Variants in KCNMB2 observed in about 807,000 individuals in gnomAD.
KCNMB2 encodes the protein calcium-activated potassium channel subunit beta-2.
In KCNMB2, 9 loss-of-function variants were observed where a neutral mutation model predicts 24.5. That is an observed-to-expected ratio of 0.37 (90% CI 0.22 to 0.64). The LOEUF is 0.64. Among genes scored for constraint, KCNMB2 ranks in the 30% least tolerant of loss-of-function variants. The pLI is 0.63. For missense variants in KCNMB2, 226 were observed against 284.3 expected, an observed-to-expected ratio of 0.79 and a Z score of 1.47; for synonymous variants, 109 against 104.4, an observed-to-expected ratio of 1.04 and a Z score of -0.27.
intron 4 of KCNMB2, among the ~76,000 whole-genome samples, chr3:178,829,646 C>T (rs1714980236): frequency 6.6e-6 from 1 of 152,182 alleles, no homozygotes; most frequent in Admixed American, 6.5e-5. Context: ...ATCTTAAAAT[C>T]AAAGCTGACC....
intron 1 of KCNMB2, among the ~76,000 whole-genome samples, chr3:178,759,399 G>T (rs1458148643): frequency 3.1e-5 from 1 of 32,148 alleles, no homozygotes; most frequent in Non-Finnish European, 4.7e-5. Context: ...ATCTCTCCAA[G>T]AGGATATATA....
At chr3:178,812,372 T>C (rs1013309549) in intron 2 of KCNMB2, among the ~76,000 whole-genome samples, 42 of 147,196 alleles carry the variant, frequency 2.9e-4, no homozygotes, top group Non-Finnish European at 3.9e-4. Flanking sequence ...TATCTCCTAA[T>C]GCTATCCCTC....
intron 2 of KCNMB2, among the ~76,000 whole-genome samples, chr3:178,823,897 G>A (rs1458424862): frequency 6.8e-6 from 1 of 146,528 alleles, no homozygotes; most frequent in Admixed American, 6.7e-5. Flanking sequence ...GTGCATATTG[G>A]CTTTTTGCCT....
At chr3:178,639,995 G>A (rs1719665806) in intron 1 of KCNMB2, among the ~76,000 whole-genome samples, 1 of 152,128 alleles carries the variant, frequency 6.6e-6, no homozygotes, top group Non-Finnish European at 1.5e-5. Flanking sequence ...TGTTATGTAT[G>A]TGTCTAGTAC....
intron 1 of KCNMB2, among the ~76,000 whole-genome samples, chr3:178,772,054 AATGTTGGTTT>A (rs1485834092): frequency 6.6e-6 from 1 of 152,028 alleles, no homozygotes; most frequent in Non-Finnish European, 1.5e-5. Flanking sequence ...TCCTCATCAA[AATGTTGGTTT>A]ATTAGTGAGG....
At chr3:178,738,106 C>A (rs947988765) in intron 1 of KCNMB2, among the ~76,000 whole-genome samples, 6 of 152,096 alleles carry the variant, frequency 3.9e-5, no homozygotes, top group African/African-American at 1.4e-4. Context: ...TACTAATTTC[C>A]TTTCCTCCAG....
In KCNMB2 at chr3:178,782,708, T is replaced by C. The variant is rs1360745170; in HGVS notation, c.-67-24635T>C. On this transcript the variant is annotated intron_variant, in intron 1 of 4. Coordinates refer to ENST00000452583, the MANE Select transcript of KCNMB2 (RefSeq NM_181361.3). Reference sequence around the variant, plus strand: ...GGATATTAGCCCTTTGTCAGATGAGTAGGTTGCGAAAATTTTCTCCCATTT... The same window carrying C: ...GGATATTAGCCCTTTGTCAGATGAGCAGGTTGCGAAAATTTTCTCCCATTT... Among the ~76,000 whole-genome samples the C allele has an allele frequency of 3.5e-4, 53 of 151,288 alleles. 1 individual carries two copies. The South Asian group carries it at 0.011, about 31-fold the overall frequency.
chr3:178,746,852 C>T (rs1723686318), intron 1 of KCNMB2: 1 of 152,568 alleles, frequency 6.6e-6, no homozygotes. Flanking sequence ...CATCTGAGAC[C>T]ACCTCAGCCT....
At chr3:178,781,069 T>A (rs1712810816) in intron 1 of KCNMB2, among the ~76,000 whole-genome samples, 1 of 152,164 alleles carries the variant, frequency 6.6e-6, no homozygotes. Flanking sequence ...TACCATTAAT[T>A]CTTTTTATTT....
At chr3:178,675,079 G>A (rs950043844) in intron 1 of KCNMB2, among the ~76,000 whole-genome samples, 8 of 152,088 alleles carry the variant, frequency 5.3e-5, no homozygotes, top group Non-Finnish European at 1.2e-4. Context: ...TTAATCCTCA[G>A]CACCATATCC....
At chr3:178,724,384 T>G (rs35970749) in intron 1 of KCNMB2, among the ~76,000 whole-genome samples, 11,162 of 152,224 alleles carry the variant, frequency 0.073, 550 homozygotes, top group Middle Eastern at 0.19. Context: ...TTTAAATTCC[T>G]TATAGAATCT....
intron 1 of KCNMB2, among the ~76,000 whole-genome samples, chr3:178,613,596 C>G (rs1199993806): frequency 2.0e-5 from 3 of 152,136 alleles, no homozygotes; most frequent in African/African-American, 7.2e-5. Context: ...GATATTTTCA[C>G]CAGATACGCT....
intron 1 of KCNMB2, among the ~76,000 whole-genome samples, chr3:178,616,162 T>C (rs1718697805): frequency 6.6e-6 from 1 of 152,112 alleles, no homozygotes; most frequent in South Asian, 2.1e-4. Context: ...AGCAATCCCT[T>C]GGCAGCCCCA....
chr3:178,641,645 T>A (rs567720511), intron 1 of KCNMB2, among the ~76,000 whole-genome samples: 2 of 152,268 alleles, frequency 1.3e-5, no homozygotes, highest in Non-Finnish European at 2.9e-5. Context: ...CCCCACTTTG[T>A]ATGCATTTTA....
In KCNMB2 at chr3:178,760,092, CTATA is replaced by C. The variant is rs561146836; in HGVS notation, c.-67-47237_-67-47234del. Among the ~76,000 whole-genome samples, 2 of 11,750 alleles carry C rather than the reference CTATA, an allele frequency of 1.7e-4. 1 individual carries two copies. The highest frequency in any genetic ancestry group is 6.0e-3 in the South Asian group (2 of 334). 7.7% of individuals were successfully genotyped at this position (11,750 alleles called of 152,430 possible). A position where few individuals can be genotyped will look rare whatever the true frequency, so the allele number is the denominator to read the frequency against. On this transcript the variant is annotated intron_variant, in intron 1 of 4. Transcript: ENST00000452583. Reference sequence around the variant, plus strand: ...TATATATATAGCCAAGAGGATATATCTATATATATATATATATCCAAGAGGATAT... The same window carrying C: ...TATATATATAGCCAAGAGGATATATCTATATATATATATCCAAGAGGATAT...
chr3:178,553,830 G>A (rs1260502233), intron 1 of KCNMB2, among the ~76,000 whole-genome samples: 4 of 152,076 alleles, frequency 2.6e-5, no homozygotes, highest in Non-Finnish European at 2.9e-5. Context: ...TTGAGCCACC[G>A]CACCCAGCCA....
At chr3:178,669,711 T>C (rs1483725547) in intron 1 of KCNMB2, among the ~76,000 whole-genome samples, 1 of 152,052 alleles carries the variant, frequency 6.6e-6, no homozygotes, top group East Asian at 1.9e-4. Flanking sequence ...GGATATGAGA[T>C]ACACCATGAA....
intron 4 of KCNMB2, among the ~76,000 whole-genome samples, chr3:178,840,732 C>G (rs1715397879): frequency 6.6e-6 from 1 of 152,226 alleles, no homozygotes; most frequent in Admixed American, 6.5e-5. Flanking sequence ...AAACAGGGCA[C>G]CAAGTCTCAA....
At chr3:178,563,923 A>G (rs1716414573) in intron 1 of KCNMB2, among the ~76,000 whole-genome samples, 1 of 152,170 alleles carries the variant, frequency 6.6e-6, no homozygotes, top group Non-Finnish European at 1.5e-5. Flanking sequence ...TAAAATCCCC[A>G]AAACATGGAA....
Sources: gnomAD v4.1 joint callset for allele counts (sites outside exome capture counted in the v4.1 genomes callset) on GRCh38, gnomAD v4.1.1 for gene constraint, MANE v1.5 for transcripts, NCBI Gene and HGNC (gene_info 2026-07-23, HGNC 2026-07-21) for gene names.